The following MYO5B variants were observed in gnomAD, a reference collection of about 807,000 sequenced individuals.
MYO5B encodes the protein myosin VB, also known as unconventional myosin-Vb.
In MYO5B, 143 loss-of-function variants were observed where a neutral mutation model predicts 229.3. That is an observed-to-expected ratio of 0.62 (90% CI 0.54 to 0.72). The LOEUF (loss-of-function observed/expected upper bound fraction) is 0.72, where lower values mean the gene tolerates loss of function less well. Ranked by LOEUF, MYO5B falls within the 30% of genes least tolerant of loss-of-function variation. MYO5B has a pLI of 0.00. For synonymous variants in MYO5B, 918 were observed against 885.2 expected (o/e 1.04, Z -0.66); for missense variants, 2,321 against 2,331.0 (o/e 1.00, Z 0.09).
chr18:49,968,513 TG>T (rs1030967354), intron 10 of MYO5B, among the ~76,000 whole-genome samples: 7 of 152,194 alleles, frequency 4.6e-5, no homozygotes, highest in Non-Finnish European at 1.0e-4. Context: ...TTAATCTAAA[TG>T]GGTCCGGGTG....
At chr18:49,888,106 A>G (rs1165102658) in intron 22 of MYO5B, among the ~76,000 whole-genome samples, 1 of 152,168 alleles carries the variant, frequency 6.6e-6, no homozygotes, top group Non-Finnish European at 1.5e-5. Context: ...TAAGGGCTGT[A>G]GCAGCTTCCT....
chr18:50,032,409 T>C (rs192931337), intron 4 of MYO5B, among the ~76,000 whole-genome samples: 3 of 152,348 alleles, frequency 2.0e-5, no homozygotes, highest in Admixed American at 2.0e-4. Context: ...TAAATCTACT[T>C]TCTGTCTCTA....
chr18:50,162,987 G>T (rs2032792123), intron 1 of MYO5B, among the ~76,000 whole-genome samples: 1 of 152,186 alleles, frequency 6.6e-6, no homozygotes, highest in South Asian at 2.1e-4. Flanking sequence ...AACTGGTTGA[G>T]GCAGTCATGT....
At chr18:50,146,751 A>G (rs2032509628) in intron 1 of MYO5B, among the ~76,000 whole-genome samples, 1 of 152,190 alleles carries the variant, frequency 6.6e-6, no homozygotes, top group African/African-American at 2.4e-5. Flanking sequence ...TGTGAATCAG[A>G]CTCTTAAAGA....
intron 1 of MYO5B, among the ~76,000 whole-genome samples, chr18:50,150,522 T>C (rs1451824913): frequency 6.7e-6 from 1 of 150,316 alleles, no homozygotes; most frequent in Non-Finnish European, 1.5e-5. Context: ...GATGAGTTCA[T>C]GTCCTTTGTA....
rs117998095 is a variant in MYO5B, at chr18:50,030,280, G to A, written c.455+6570C>T. On this transcript the variant is annotated intron_variant, in intron 4 of 39. Coordinates refer to ENST00000285039, the MANE Select transcript of MYO5B (RefSeq NM_001080467.3). Reference sequence around the variant, plus strand: ...AAAATGGAAAATGCATAGCTTCCTCGCTCCCTTTCCCTTCTGCAATTTATT... The same window carrying A: ...AAAATGGAAAATGCATAGCTTCCTCACTCCCTTTCCCTTCTGCAATTTATT... 1.5e-3 allele frequency among the ~76,000 whole-genome samples: 219 copies of A among 150,850 alleles called. 2 individuals carry two copies. In the East Asian group the frequency reaches 0.036, roughly 25 times the overall value.
chr18:49,965,436 CATACAA>C (rs2025612072), intron 10 of MYO5B, among the ~76,000 whole-genome samples: 1 of 143,382 alleles, frequency 7.0e-6, no homozygotes, highest in Admixed American at 7.3e-5. Context: ...CACTTCTTTT[CATACAA>C]ACACACTTCT....
chr18:50,051,686 A>T (rs569682052), intron 2 of MYO5B, among the ~76,000 whole-genome samples: 1 of 152,360 alleles, frequency 6.6e-6, no homozygotes, highest in South Asian at 2.1e-4. Context: ...AGAAAAAGGT[A>T]TAAGATGTTA....
intron 4 of MYO5B, among the ~76,000 whole-genome samples, chr18:50,014,278 G>GAAAAAAAAAA: frequency 1.8e-5 from 1 of 55,562 alleles, no homozygotes; most frequent in Middle Eastern, 0.011. Flanking sequence ...GATGAGAAAG[G>GAAAAAAAAAA]AAAAAAAAAA....
chr18:49,958,007 C>T (rs992275651), intron 12 of MYO5B, among the ~76,000 whole-genome samples: 1 of 152,180 alleles, frequency 6.6e-6, no homozygotes, highest in African/African-American at 2.4e-5. Context: ...CCAGCCACCC[C>T]CAGTGCTGCT....
chr18:49,861,533 TGAGA>T (rs1235381009), intron 29 of MYO5B, among the ~76,000 whole-genome samples: 3 of 152,258 alleles, frequency 2.0e-5, no homozygotes, highest in Admixed American at 2.0e-4. Context: ...GTTTTAGCAC[TGAGA>T]GAGTCACCTT....
At chr18:50,100,078 A>G (rs563932759) in intron 1 of MYO5B, among the ~76,000 whole-genome samples, 1 of 152,236 alleles carries the variant, frequency 6.6e-6, no homozygotes, top group African/African-American at 2.4e-5. Context: ...TTTCAGCAAC[A>G]ACCTGGCTAG....
chr18:50,086,121 G>A (rs929280849), intron 1 of MYO5B, among the ~76,000 whole-genome samples: 11 of 152,064 alleles, frequency 7.2e-5, no homozygotes, highest in Non-Finnish European at 1.5e-4. Context: ...ACTTTTTGAA[G>A]TACAGAGTTA....
At chr18:49,896,155 A>T (rs2024776696) in intron 21 of MYO5B, among the ~76,000 whole-genome samples, 1 of 152,144 alleles carries the variant, frequency 6.6e-6, no homozygotes, top group South Asian at 2.1e-4. Flanking sequence ...CAGCAAAAGA[A>T]AAGCCCTTGG....
intron 35 of MYO5B, 79 bp downstream of exon 35, chr18:49,841,286 T>A (rs2024054034): frequency 1.5e-6 from 2 of 1,358,112 alleles, no homozygotes; most frequent in African/African-American, 2.9e-5. Context: ...CCCACTGACC[T>A]CTGAGGGTAT....
At chr18:50,133,648 T>G (rs2032289104) in intron 1 of MYO5B, among the ~76,000 whole-genome samples, 1 of 152,188 alleles carries the variant, frequency 6.6e-6, no homozygotes, top group African/African-American at 2.4e-5. Flanking sequence ...TATATTACAC[T>G]CCAGCTTATT....
Position 49,878,999 on chromosome 18 carries a change from A to G in MYO5B, c.3222T>C (p.Tyr1074=), listed in dbSNP as rs1488168910. 3.7e-6 allele frequency: 6 copies of G among 1,614,082 alleles called. No individual in the cohort carries two copies. Among genetic ancestry groups the G allele is most frequent in the Non-Finnish European group, 5.1e-6 (6 of 1,180,010 alleles). ...TGTCGTATCTCTGCTCCAACTGTGA[A>G]TATTCCTTCACAAGGTTCTGGTACC... ...RSRYQNLVKE[Y]SQLEQRYDNL... is the part of the protein sequence containing the mutation. The change falls in exon 24 of 40, where the codon TAT becomes TAC. Residue 1074 remains tyrosine, a synonymous_variant. Coordinates refer to ENST00000285039, the MANE Select transcript of MYO5B (RefSeq NM_001080467.3).
chr18:50,059,413 G>A (rs557980220), intron 1 of MYO5B, among the ~76,000 whole-genome samples: 44 of 152,360 alleles, frequency 2.9e-4, no homozygotes, highest in Non-Finnish European at 6.2e-4. Flanking sequence ...CCAGTGGAGA[G>A]AAGGAAGACA....
rs73444722 is a variant in MYO5B at position 50,022,885 on chromosome 18, A to C, written c.455+13965T>G. On this transcript the variant is annotated intron_variant, in intron 4 of 39. Coordinates refer to ENST00000285039, the MANE Select transcript of MYO5B (RefSeq NM_001080467.3). ...ACAGGTTTAAGGGAATCCCCGGACC[A>C]GACTAAGGAAGAAGCCCAGCCTAAA... 9.2e-3 allele frequency among the ~76,000 whole-genome samples: 1,395 copies of C among 152,254 alleles called. 19 individuals are homozygous for C. The highest frequency in any genetic ancestry group is 0.032 in the African/African-American group (1,329 of 41,550).
Sources: allele counts gnomAD v4.1 joint callset (sites outside exome capture counted in the v4.1 genomes callset), GRCh38; gene constraint gnomAD v4.1.1; transcripts MANE v1.5; gene names NCBI Gene and HGNC (gene_info 2026-07-23, HGNC 2026-07-21).